The following DMRT1 variants were observed in gnomAD, a reference collection of about 807,000 sequenced individuals.
DMRT1 encodes the protein doublesex and mab-3 related transcription factor 1, also known as doublesex- and mab-3-related transcription factor 1.
In DMRT1, 7 loss-of-function variants were observed where a neutral mutation model predicts 32.3. The observed-to-expected ratio is 0.22, with a 90% CI of 0.12 to 0.41. DMRT1 has a LOEUF of 0.41. Ranked by LOEUF, DMRT1 falls within the 10% of genes least tolerant of loss-of-function variation. The probability of loss-of-function intolerance (pLI) is 1.00; values close to 1 mark genes in which losing one functional copy is unlikely to be tolerated. For synonymous variants in DMRT1, 278 were observed against 206.1 expected, an observed-to-expected ratio of 1.35 and a Z score of -2.99; for missense variants, 625 against 500.5, an observed-to-expected ratio of 1.25 and a Z score of -2.37.
chr9:930,398 AT>A (rs1298861417), intron 4 of DMRT1, among the ~76,000 whole-genome samples: 3 of 150,958 alleles, frequency 2.0e-5, no homozygotes, highest in African/African-American at 4.9e-5. Context: ...ACACTTGGCT[AT>A]TTTTTTTATT....
At chr9:930,655 G>A (rs1171126586) in intron 4 of DMRT1, among the ~76,000 whole-genome samples, 3 of 151,996 alleles carry the variant, frequency 2.0e-5, no homozygotes, top group Non-Finnish European at 2.9e-5. Flanking sequence ...TGATCTGCCT[G>A]CCTCAGCTTC....
At chr9:934,025 A>G (rs1462742301) in intron 4 of DMRT1, among the ~76,000 whole-genome samples, 4 of 71,756 alleles carry the variant, frequency 5.6e-5, no homozygotes, top group Non-Finnish European at 8.9e-5. Flanking sequence ...ACACTTAAGA[A>G]AAAAAAAAAA....
intron 2 of DMRT1, among the ~76,000 whole-genome samples, chr9:878,062 G>C (rs527620232): frequency 6.6e-6 from 1 of 152,294 alleles, no homozygotes; most frequent in South Asian, 2.1e-4. Flanking sequence ...AATTATGCAT[G>C]GTAATGGGCA....
At chr9:869,988 G>A (rs1816164625) in intron 2 of DMRT1, among the ~76,000 whole-genome samples, 2 of 152,170 alleles carry the variant, frequency 1.3e-5, no homozygotes, top group African/African-American at 4.8e-5. Flanking sequence ...CGGCCCTGGA[G>A]ATAAACAGTT....
At chr9:887,396 C>T (rs1158634426) in intron 2 of DMRT1, among the ~76,000 whole-genome samples, 2 of 152,200 alleles carry the variant, frequency 1.3e-5, no homozygotes, top group African/African-American at 4.8e-5. Flanking sequence ...TGTGCTTTGA[C>T]CAGATTCCCA....
At chr9:866,971 G>A (rs1208245238) in intron 2 of DMRT1, among the ~76,000 whole-genome samples, 4 of 152,172 alleles carry the variant, frequency 2.6e-5, no homozygotes, top group Non-Finnish European at 5.9e-5. Flanking sequence ...TCATCATGAA[G>A]CACCTGGGGT....
chr9:873,398 C>A (rs528171820), intron 2 of DMRT1, among the ~76,000 whole-genome samples: 1 of 151,920 alleles, frequency 6.6e-6, no homozygotes, highest in Non-Finnish European at 1.5e-5. Flanking sequence ...CTCCACCTCC[C>A]GGGTTCAAGT....
intron 2 of DMRT1, among the ~76,000 whole-genome samples, chr9:878,895 A>G (rs1816619751): frequency 6.6e-6 from 1 of 152,150 alleles, no homozygotes; most frequent in African/African-American, 2.4e-5. Context: ...AACTTGCCCC[A>G]TGATTGCATG....
intron 4 of DMRT1, among the ~76,000 whole-genome samples, chr9:960,940 C>T (rs977462960): frequency 1.9e-4 from 29 of 152,160 alleles, no homozygotes; most frequent in African/African-American, 7.0e-4. Flanking sequence ...GCATCAGGTG[C>T]TGAGATGTGG....
At chr9:871,770 G>A (rs1375968126) in intron 2 of DMRT1, among the ~76,000 whole-genome samples, 1 of 151,228 alleles carries the variant, frequency 6.6e-6, no homozygotes, top group East Asian at 1.9e-4. Flanking sequence ...AACCGTGCCT[G>A]GCCGGCCTAG....
At chr9:845,225 T>C (rs1270790575) in intron 1 of DMRT1, among the ~76,000 whole-genome samples, 1 of 152,120 alleles carries the variant, frequency 6.6e-6, no homozygotes, top group Non-Finnish European at 1.5e-5. Flanking sequence ...TATTTATTTT[T>C]TTGAGACGGA....
Position 873,689 on chromosome 9 carries a change from C to T in DMRT1, c.539-20223C>T, listed in dbSNP as rs182700548. ...TGAGTGAAATAAAGGAAGGGAAACCCTTTAGCTAGGCAGTGGCAAAGGTGA... is the reference window on the plus strand; with the variant it reads ...TGAGTGAAATAAAGGAAGGGAAACCTTTTAGCTAGGCAGTGGCAAAGGTGA... On this transcript the variant is annotated intron_variant, in intron 2 of 4. Transcript: ENST00000382276. Among the ~76,000 whole-genome samples, 246 of 152,228 alleles carry T rather than the reference C, an allele frequency of 1.6e-3. 1 individual carries two copies. The highest frequency in any genetic ancestry group is 6.8e-3 in the Middle Eastern group (2 of 294).
At chr9:863,365 T>C (rs1195494600) in intron 2 of DMRT1, among the ~76,000 whole-genome samples, 1 of 150,638 alleles carries the variant, frequency 6.6e-6, no homozygotes, top group Non-Finnish European at 1.5e-5. Flanking sequence ...ACAGAACCTT[T>C]CCTGGCTGCA....
At chr9:943,998 G>A (rs1285528928) in intron 4 of DMRT1, among the ~76,000 whole-genome samples, 2 of 152,142 alleles carry the variant, frequency 1.3e-5, no homozygotes, top group Admixed American at 1.3e-4. Flanking sequence ...TGTGTTTGGG[G>A]TCTCTCAGAC....
intron 3 of DMRT1, among the ~76,000 whole-genome samples, chr9:895,214 G>T (rs535790158): frequency 8.5e-5 from 13 of 152,126 alleles, no homozygotes; most frequent in Admixed American, 6.6e-5. Context: ...GTTTATCTAG[G>T]GCTGTTCTGC....
intron 4 of DMRT1, among the ~76,000 whole-genome samples, chr9:953,800 T>G (rs1212034239): frequency 6.6e-6 from 1 of 152,238 alleles, no homozygotes; most frequent in Non-Finnish European, 1.5e-5. Flanking sequence ...ATGACAGTGA[T>G]CTTTCATTTA....
chr9:916,302 C>CTAG (rs1818179745), intron 3 of DMRT1, among the ~76,000 whole-genome samples: 1 of 152,056 alleles, frequency 6.6e-6, no homozygotes, highest in Non-Finnish European at 1.5e-5. Context: ...TAGTTCTAGG[C>CTAG]CCAGTACATT....
chr9:904,560 T>G (rs1336389222), intron 3 of DMRT1, among the ~76,000 whole-genome samples: 1 of 152,256 alleles, frequency 6.6e-6, no homozygotes, highest in Non-Finnish European at 1.5e-5. Flanking sequence ...ATTTGTTGAT[T>G]GTTTTTATTG....
At chr9:932,354 T>A (rs186834832) in intron 4 of DMRT1, among the ~76,000 whole-genome samples, 20 of 152,332 alleles carry the variant, frequency 1.3e-4, no homozygotes, top group African/African-American at 4.6e-4. Flanking sequence ...GGGACATGAA[T>A]GAGAGAGCAG....
Sources: allele counts gnomAD v4.1 joint callset (sites outside exome capture counted in the v4.1 genomes callset), GRCh38; gene constraint gnomAD v4.1.1; transcripts MANE v1.5; gene names NCBI Gene and HGNC (gene_info 2026-07-23, HGNC 2026-07-21).